The following STARD3NL variants were observed in gnomAD, a reference collection of about 807,000 sequenced individuals.
STARD3NL encodes STARD3 N-terminal-like protein.
Under a neutral mutation model 30.9 loss-of-function variants are expected in STARD3NL, and 17 were observed. That is an observed-to-expected ratio of 0.55 (90% CI 0.38 to 0.82). The LOEUF is 0.82. Among genes scored for constraint, STARD3NL ranks in the 40% least tolerant of loss-of-function variants. The probability of loss-of-function intolerance (pLI) is 0.00; values close to 1 mark genes in which losing one functional copy is unlikely to be tolerated. For missense variants in STARD3NL, 234 were observed against 277.6 expected (o/e 0.84, Z 1.12); for synonymous variants, 112 against 100.5 (o/e 1.11, Z -0.69).
At chr7:38,193,739 AGT>A (rs1240024294) in intron 1 of STARD3NL, among the ~76,000 whole-genome samples, 1 of 152,264 alleles carries the variant, frequency 6.6e-6, no homozygotes, top group Non-Finnish European at 1.5e-5. Flanking sequence ...TGCCTGACAC[AGT>A]AAGTCCCAGT....
intron 1 of STARD3NL, among the ~76,000 whole-genome samples, chr7:38,200,450 A>G (rs1034906240): frequency 1.0e-4 from 8 of 77,600 alleles, no homozygotes; most frequent in Non-Finnish European, 1.5e-4. Context: ...TAAACGTTCT[A>G]TGTGTTAAGC....
chr7:38,180,821 G>C (rs1784215620), intron 1 of STARD3NL, among the ~76,000 whole-genome samples: 1 of 152,148 alleles, frequency 6.6e-6, no homozygotes, highest in African/African-American at 2.4e-5. Flanking sequence ...TTAGAGCTAG[G>C]GCTGTGGAGG....
intron 8 of STARD3NL, 44 bp downstream of exon 8, chr7:38,228,915 T>C: frequency 1.4e-6 from 2 of 1,426,078 alleles, no homozygotes; most frequent in Non-Finnish European, 2.0e-6. Context: ...TAGTTAAGTA[T>C]GGAGATTTCC....
chr7:38,196,815 G>GA (rs35981989), intron 1 of STARD3NL, among the ~76,000 whole-genome samples: 33,300 of 151,860 alleles, frequency 0.22, 4,037 homozygotes, highest in Admixed American at 0.34. Context: ...TAAATTTTTA[G>GA]AAAAAATATT....
At chr7:38,214,884 C>T in intron 3 of STARD3NL, 144 bp from the exon 4 acceptor site, 2 of 664,384 alleles carry the variant, frequency 3.0e-6, no homozygotes, top group East Asian at 5.6e-5. Context: ...CAGGGATTCC[C>T]AAATGCTGGT....
chr7:38,178,601 A>C (rs1784116525), intron 1 of STARD3NL, among the ~76,000 whole-genome samples, 181 bp downstream of exon 1: 1 of 152,234 alleles, frequency 6.6e-6, no homozygotes, highest in African/African-American at 2.4e-5. Context: ...GGCTGTGCTC[A>C]TAATGGACAC....
At chr7:38,203,690 G>T (rs935885914) in intron 1 of STARD3NL, among the ~76,000 whole-genome samples, 15 of 152,154 alleles carry the variant, frequency 9.9e-5, no homozygotes, top group Non-Finnish European at 1.5e-4. Flanking sequence ...TGGCAAATTG[G>T]ATAAAGAGTT....
At chr7:38,211,836 A>G (rs1440114402) in intron 2 of STARD3NL, among the ~76,000 whole-genome samples, 2 of 152,158 alleles carry the variant, frequency 1.3e-5, no homozygotes. Context: ...ACGCATTTTG[A>G]TTTGCTTGTT....
At chr7:38,225,121 T>C (rs1786681039) in intron 7 of STARD3NL, among the ~76,000 whole-genome samples, 1 of 152,198 alleles carries the variant, frequency 6.6e-6, no homozygotes. Flanking sequence ...TTTTCATGTT[T>C]CTATTATATG....
At chr7:38,228,956 A>G (rs1476287093) in intron 8 of STARD3NL, 85 bp downstream of exon 8, 1 of 974,418 alleles carries the variant, frequency 1.0e-6, no homozygotes, top group East Asian at 2.6e-5. Flanking sequence ...AATTCAAAGA[A>G]TAAGAGTGTA....
chr7:38,188,990 T>TG (rs1784573987), intron 1 of STARD3NL, among the ~76,000 whole-genome samples: 1 of 152,222 alleles, frequency 6.6e-6, no homozygotes, highest in South Asian at 2.1e-4. Context: ...ATCTGAGTCT[T>TG]AAAGCAGATT....
At position 38,219,677 on chromosome 7, in the gene STARD3NL, T is replaced by C; in HGVS notation, c.649+17T>C. ...CCGAAGCAGGTAAAAAACTTGATTA[T>C]TATTTGTGCTTGTATCTCTCATTCA... On this transcript the variant is annotated intron_variant, in intron 7 of 8. Transcript: ENST00000009041. 6.3e-7 allele frequency: 1 copy of C among 1,599,354 alleles called. No individual in the cohort carries two copies. Among genetic ancestry groups the C allele is most frequent in the African/African-American group, 1.3e-5 (1 of 74,662 alleles).
chr7:38,221,139 A>G (rs922133106), intron 7 of STARD3NL, among the ~76,000 whole-genome samples: 1 of 152,214 alleles, frequency 6.6e-6, no homozygotes, highest in East Asian at 1.9e-4. Context: ...GCATAGATGA[A>G]CTGAATGCAC....
intron 2 of STARD3NL, among the ~76,000 whole-genome samples, chr7:38,213,427 A>T (rs1785924658): frequency 6.6e-6 from 1 of 152,196 alleles, no homozygotes; most frequent in Admixed American, 6.5e-5. Flanking sequence ...ATGTGAAATG[A>T]TACCTAAGCT....
At chr7:38,193,361 C>T (rs1405216778) in intron 1 of STARD3NL, among the ~76,000 whole-genome samples, 1 of 152,052 alleles carries the variant, frequency 6.6e-6, no homozygotes, top group East Asian at 1.9e-4. Flanking sequence ...TGTAGTGGTG[C>T]GATCTCGGCT....
At chr7:38,193,283 T>G (rs1784766210) in intron 1 of STARD3NL, among the ~76,000 whole-genome samples, 1 of 44,346 alleles carries the variant, frequency 2.3e-5, no homozygotes, top group Non-Finnish European at 5.0e-5. Flanking sequence ...GATTAGTTTT[T>G]TGTTGTTGTT....
chr7:38,213,020 G>T (rs371480885), intron 2 of STARD3NL, among the ~76,000 whole-genome samples: 1 of 152,192 alleles, frequency 6.6e-6, no homozygotes, highest in South Asian at 2.1e-4. Context: ...TTTAAAGTAT[G>T]CAGATACCAG....
intron 1 of STARD3NL, among the ~76,000 whole-genome samples, chr7:38,187,369 T>C (rs759526585): frequency 2.6e-5 from 4 of 152,244 alleles, no homozygotes; most frequent in Admixed American, 6.5e-5. Flanking sequence ...GGTGTAGTTA[T>C]TGTCAATAAT....
chr7:38,228,985 T>C (rs1786946681), intron 8 of STARD3NL, 114 bp downstream of exon 8: 1 of 641,730 alleles, frequency 1.6e-6, no homozygotes, highest in African/African-American at 1.8e-5. Context: ...CAGAGTTATC[T>C]TACTTGCATG....
Sources: gnomAD v4.1 joint callset for allele counts (sites outside exome capture counted in the v4.1 genomes callset) on GRCh38, gnomAD v4.1.1 for gene constraint, MANE v1.5 for transcripts, NCBI Gene and HGNC (gene_info 2026-07-23, HGNC 2026-07-21) for gene names.